The following CRISPLD2 variants were observed in gnomAD, a reference collection of about 807,000 sequenced individuals.
CRISPLD2 encodes cysteine rich secretory protein LCCL domain containing 2.
In CRISPLD2, 47 loss-of-function variants were observed where a neutral mutation model predicts 71.1. The observed-to-expected ratio is 0.66, with a 90% CI of 0.52 to 0.84. CRISPLD2 has a LOEUF of 0.84. Ranked by LOEUF, CRISPLD2 falls within the 40% of genes least tolerant of loss-of-function variation. The pLI is 0.00. For synonymous variants in CRISPLD2, 317 were observed against 250.1 expected (o/e 1.27, Z -2.52); for missense variants, 830 against 651.1 (o/e 1.27, Z -2.99).
intron 13 of CRISPLD2, among the ~76,000 whole-genome samples, chr16:84,888,315 C>A (rs996143580): frequency 1.3e-5 from 2 of 152,210 alleles, no homozygotes; most frequent in African/African-American, 4.8e-5. Context: ...GGGAGGATTG[C>A]TTGAGCCCAG....
At chr16:84,861,101 G>A (rs1240390565) in intron 6 of CRISPLD2, among the ~76,000 whole-genome samples, 1 of 152,132 alleles carries the variant, frequency 6.6e-6, no homozygotes, top group Non-Finnish European at 1.5e-5. Flanking sequence ...TGCATTTATT[G>A]TGCATAACTC....
chr16:84,871,949 A>G (rs111432187), intron 8 of CRISPLD2, among the ~76,000 whole-genome samples: 1,526 of 151,774 alleles, frequency 0.01, 36 homozygotes, highest in African/African-American at 0.036. Flanking sequence ...CTCTGATTCA[A>G]CCAACCTCAA....
chr16:84,878,413 A>G (rs2071540126), intron 12 of CRISPLD2, among the ~76,000 whole-genome samples: 1 of 140,316 alleles, frequency 7.1e-6, no homozygotes, highest in Non-Finnish European at 1.5e-5. Flanking sequence ...TTGCTTTTTC[A>G]GCAAAATTAT....
Position 84,883,883 on chromosome 16 carries a change from A to T in CRISPLD2, c.1305+3299A>T, listed in dbSNP as rs867831494. ...TTTTGAGACGGAGTCTTACTCTGTC[A>T]CCCAGGCTGAAGTGCAGTGGCGTGA... On this transcript the variant is annotated intron_variant, in intron 13 of 14. Transcript: ENST00000262424. 1.4e-4 allele frequency among the ~76,000 whole-genome samples: 20 copies of T among 142,492 alleles called. No homozygotes were observed. The South Asian group carries it at 3.1e-3, about 22-fold the overall frequency. 93.5% of individuals were successfully genotyped at this position (142,492 alleles called of 152,430 possible). A position where few individuals can be genotyped will look rare whatever the true frequency, so the allele number is the denominator to read the frequency against.
At chr16:84,826,458 C>T (rs1916354367) in intron 1 of CRISPLD2, among the ~76,000 whole-genome samples, 1 of 152,230 alleles carries the variant, frequency 6.6e-6, no homozygotes, top group Non-Finnish European at 1.5e-5. Context: ...GAAGAGCCAG[C>T]TACGCACATT....
intron 14 of CRISPLD2, among the ~76,000 whole-genome samples, chr16:84,899,089 C>T (rs764489652): frequency 2.0e-5 from 3 of 152,132 alleles, no homozygotes; most frequent in Non-Finnish European, 4.4e-5. Context: ...ACAGGGGTCA[C>T]TGTGTCACCC....
chr16:84,898,439 C>G (rs1310555836), intron 14 of CRISPLD2, among the ~76,000 whole-genome samples: 1 of 152,116 alleles, frequency 6.6e-6, no homozygotes, highest in Non-Finnish European at 1.5e-5. Flanking sequence ...TTGACTGCAC[C>G]AAGATCATGC....
rs1487546386 is a variant in CRISPLD2, at chr16:84,909,137, A to G, written c.*2495A>G. The G allele has an allele frequency of 1.3e-5, 2 of 152,578 alleles. No homozygotes were observed. The highest frequency in any genetic ancestry group is 2.9e-5 in the Non-Finnish European group (2 of 68,040). The allele number at this position is 152,578 out of a possible 1,614,324, so 9.5% of individuals were successfully genotyped here. On this transcript the variant is annotated 3_prime_UTR_variant, in exon 15 of 15. Coordinates refer to ENST00000262424, the MANE Select transcript of CRISPLD2 (RefSeq NM_031476.4). ...AATAGAGGCCCCTCGTGCTACCAAC[A>G]CTTACCCTGTGTTTAAAAAGATCTT...
chr16:84,850,708 TGGGGTG>T, intron 5 of CRISPLD2, 25 bp downstream of exon 5: 1 of 1,584,156 alleles, frequency 6.3e-7, no homozygotes, highest in Non-Finnish European at 8.7e-7. Context: ...TGCCGTTGTA[TGGGGTG>T]GGGGTTGGGA....
intron 1 of CRISPLD2, among the ~76,000 whole-genome samples, chr16:84,836,023 G>T (rs1916609451): frequency 6.6e-6 from 1 of 152,164 alleles, no homozygotes; most frequent in South Asian, 2.1e-4. Context: ...GCCACGTGTG[G>T]AAAATTCCAC....
At chr16:84,896,040 C>T (rs914674499) in intron 14 of CRISPLD2, among the ~76,000 whole-genome samples, 13 of 140,290 alleles carry the variant, frequency 9.3e-5, no homozygotes, top group African/African-American at 3.4e-4. Context: ...GATTGGAATC[C>T]TTTTTTTTTT....
chr16:84,868,801 C>T (rs1917612195), intron 7 of CRISPLD2, 50 bp from the exon 8 acceptor site: 2 of 1,468,362 alleles, frequency 1.4e-6, no homozygotes, highest in Non-Finnish European at 9.5e-7. Context: ...AGGGTCTTCT[C>T]ACCCTCCTGG....
intron 6 of CRISPLD2, among the ~76,000 whole-genome samples, chr16:84,859,544 C>T (rs1176023551): frequency 6.6e-6 from 1 of 152,226 alleles, no homozygotes; most frequent in Non-Finnish European, 1.5e-5. Context: ...GCCTCCCCTT[C>T]ATTCAAGGGA....
At chr16:84,878,986 C>G (rs2071544914) in intron 12 of CRISPLD2, among the ~76,000 whole-genome samples, 1 of 152,170 alleles carries the variant, frequency 6.6e-6, no homozygotes, top group Non-Finnish European at 1.5e-5. Flanking sequence ...GAGCCCTCAT[C>G]CTGGGCTGGA....
chr16:84,853,562 G>C (rs558574123), intron 5 of CRISPLD2, among the ~76,000 whole-genome samples: 2 of 152,192 alleles, frequency 1.3e-5, no homozygotes, highest in South Asian at 4.1e-4. Context: ...AGGCCAGGGT[G>C]CTTCTGGGGC....
rs181476431 is a variant in CRISPLD2 at position 84,875,621 on chromosome 16, A to T, written c.1156+1658A>T. Among the ~76,000 whole-genome samples the T allele has an allele frequency of 1.7e-4, 26 of 151,140 alleles. No homozygotes were observed. In the East Asian group the frequency reaches 4.3e-3, roughly 25 times the overall value. On this transcript the variant is annotated intron_variant, in intron 11 of 14. Coordinates refer to ENST00000262424, the MANE Select transcript of CRISPLD2 (RefSeq NM_031476.4). ...GCCCAGCCTGGAGTGCAGTGGCGCA[A>T]TTTCAGCTCACTGCAACCTCCTCCT...
At chr16:84,890,227 C>T (rs2071649458) in intron 14 of CRISPLD2, among the ~76,000 whole-genome samples, 1 of 152,164 alleles carries the variant, frequency 6.6e-6, no homozygotes, top group Non-Finnish European at 1.5e-5. Context: ...GGCGTGGTGG[C>T]ACACGCCTGT....
At chr16:84,873,893 GTTTT>G (rs10600678) in intron 10 of CRISPLD2, 23 bp from the exon 11 acceptor site, 3,876 of 1,411,076 alleles carry the variant, frequency 2.7e-3, no homozygotes, top group East Asian at 5.8e-3. Context: ...CCTAATGCCC[GTTTT>G]TTTTTTTTTT....
intron 6 of CRISPLD2, among the ~76,000 whole-genome samples, chr16:84,861,292 G>A (rs748289080): frequency 9.9e-5 from 15 of 151,898 alleles, no homozygotes; most frequent in East Asian, 1.9e-4. Context: ...ATCTGTATTC[G>A]TCGGGGTTCT....
Sources: allele counts gnomAD v4.1 joint callset (sites outside exome capture counted in the v4.1 genomes callset), GRCh38; gene constraint gnomAD v4.1.1; transcripts MANE v1.5; gene names NCBI Gene and HGNC (gene_info 2026-07-23, HGNC 2026-07-21).